ADAMTSL1: variants seen among roughly 807,000 people sequenced by gnomAD.
ADAMTSL1 encodes ADAMTS-like protein 1.
In ADAMTSL1, 126 loss-of-function variants were observed where a neutral mutation model predicts 201.8. That is an observed-to-expected ratio of 0.62 (90% CI 0.54 to 0.72). ADAMTSL1 has a LOEUF of 0.72. Ranked by LOEUF, ADAMTSL1 falls within the 30% of genes least tolerant of loss-of-function variation. ADAMTSL1 has a pLI of 0.00. For synonymous variants in ADAMTSL1, 1,121 were observed against 903.4 expected, an observed-to-expected ratio of 1.24 and a Z score of -4.32; for missense variants, 2,679 against 2,277.8, an observed-to-expected ratio of 1.18 and a Z score of -3.59.
chr9:18,053,754 A>C (rs1390918532), intron 1 of ADAMTSL1, among the ~76,000 whole-genome samples: 2 of 152,218 alleles, frequency 1.3e-5, no homozygotes, highest in Admixed American at 1.3e-4. Flanking sequence ...CTCCGAGTTT[A>C]CTGAGCACTC....
intron 1 of ADAMTSL1, among the ~76,000 whole-genome samples, chr9:18,065,225 C>T (rs1169624408): frequency 1.3e-5 from 2 of 152,082 alleles, no homozygotes; most frequent in Non-Finnish European, 2.9e-5. Context: ...AGATTCACAT[C>T]TCTGTTGGGA....
chr9:18,427,893 G>A (rs557109852), intron 2 of ADAMTSL1, among the ~76,000 whole-genome samples: 4 of 152,300 alleles, frequency 2.6e-5, no homozygotes, highest in African/African-American at 7.2e-5. Flanking sequence ...GTGTTCAAAC[G>A]GATGTGCTTA....
chr9:18,069,781 T>A (rs940920251), intron 1 of ADAMTSL1, among the ~76,000 whole-genome samples: 1 of 152,186 alleles, frequency 6.6e-6, no homozygotes, highest in Non-Finnish European at 1.5e-5. Flanking sequence ...ACTGCTATAG[T>A]AGTCCATGAG....
intron 2 of ADAMTSL1, among the ~76,000 whole-genome samples, chr9:18,330,014 T>C (rs891656240): frequency 2.6e-5 from 4 of 152,228 alleles, no homozygotes; most frequent in African/African-American, 9.6e-5. Context: ...TTTTCTCATC[T>C]GCATAAGGGG....
intron 2 of ADAMTSL1, among the ~76,000 whole-genome samples, chr9:18,455,201 T>A (rs536969376): frequency 6.6e-6 from 1 of 152,350 alleles, no homozygotes; most frequent in East Asian, 1.9e-4. Flanking sequence ...GTCTCCCACT[T>A]AGTAACATTA....
chr9:18,083,337 T>C (rs1823598904), intron 1 of ADAMTSL1, among the ~76,000 whole-genome samples: 1 of 152,206 alleles, frequency 6.6e-6, no homozygotes, highest in South Asian at 2.1e-4. Flanking sequence ...AACATTGTAA[T>C]AATATATGGA....
chr9:18,113,736 G>C (rs1346424759), intron 1 of ADAMTSL1, among the ~76,000 whole-genome samples: 1 of 152,012 alleles, frequency 6.6e-6, no homozygotes, highest in East Asian at 1.9e-4. Context: ...ACTGTTCTGA[G>C]GACTTGTAAA....
chr9:18,693,492 T>C (rs1285459747), intron 13 of ADAMTSL1, among the ~76,000 whole-genome samples: 1 of 152,228 alleles, frequency 6.6e-6, no homozygotes, highest in Non-Finnish European at 1.5e-5. Context: ...TATAGCCATA[T>C]GAAACTCCTA....
At chr9:18,860,768 T>G (rs1827165204) in intron 23 of ADAMTSL1, among the ~76,000 whole-genome samples, 1 of 152,144 alleles carries the variant, frequency 6.6e-6, no homozygotes, top group Non-Finnish European at 1.5e-5. Flanking sequence ...GTTTCTCAGC[T>G]TTGGTCTTTA....
chr9:18,731,063 C>CT (rs1385825301), intron 15 of ADAMTSL1, among the ~76,000 whole-genome samples: 1 of 152,066 alleles, frequency 6.6e-6, no homozygotes, highest in Non-Finnish European at 1.5e-5. Context: ...CATGGTTTTT[C>CT]TTTTTTTACC....
intron 4 of ADAMTSL1, among the ~76,000 whole-genome samples, chr9:18,585,888 A>G (rs2132442459): frequency 1.3e-5 from 2 of 152,298 alleles, no homozygotes; most frequent in South Asian, 4.1e-4. Flanking sequence ...ATAAAATTCA[A>G]CATCTCTTCT....
At chr9:18,177,039 C>T (rs1828199844) in intron 2 of ADAMTSL1, among the ~76,000 whole-genome samples, 1 of 152,192 alleles carries the variant, frequency 6.6e-6, no homozygotes, top group South Asian at 2.1e-4. Flanking sequence ...TTTGCACCCT[C>T]AATTGCCTTT....
At chr9:18,332,483 C>T (rs1835071375) in intron 2 of ADAMTSL1, among the ~76,000 whole-genome samples, 1 of 152,044 alleles carries the variant, frequency 6.6e-6, no homozygotes. Context: ...CAAAATCCTG[C>T]TCTCTCACTC....
chr9:18,563,241 G>A (rs1189153217), intron 3 of ADAMTSL1, among the ~76,000 whole-genome samples: 1 of 152,166 alleles, frequency 6.6e-6, no homozygotes, highest in Non-Finnish European at 1.5e-5. Context: ...CTTTCTGTTT[G>A]TTAGTTTTCC....
At chr9:18,617,955 C>A (rs1825805525) in intron 4 of ADAMTSL1, among the ~76,000 whole-genome samples, 1 of 151,982 alleles carries the variant, frequency 6.6e-6, no homozygotes, top group African/African-American at 2.4e-5. Flanking sequence ...CCACTGTTTG[C>A]AAAAAAATTT....
intron 1 of ADAMTSL1, among the ~76,000 whole-genome samples, chr9:17,978,643 C>G (rs909997996): frequency 6.6e-6 from 1 of 152,042 alleles, no homozygotes; most frequent in African/African-American, 2.4e-5. Context: ...TACTCATTAA[C>G]AAATTATTGT....
chr9:18,575,122 G>A (rs937372395), intron 4 of ADAMTSL1, among the ~76,000 whole-genome samples: 5 of 152,054 alleles, frequency 3.3e-5, no homozygotes, highest in Admixed American at 6.6e-5. Context: ...ATAATATCAC[G>A]GCTAGGAATG....
chr9:18,456,774 G>A (rs1820622363), intron 2 of ADAMTSL1, among the ~76,000 whole-genome samples: 1 of 152,116 alleles, frequency 6.6e-6, no homozygotes, highest in African/African-American at 2.4e-5. Context: ...TTGGTTCAAA[G>A]GTCATCCCTG....
At chr9:18,865,798 G>C (rs867823412) in intron 23 of ADAMTSL1, among the ~76,000 whole-genome samples, 1 of 152,132 alleles carries the variant, frequency 6.6e-6, no homozygotes, top group South Asian at 2.1e-4. Flanking sequence ...GCCTTGCCAA[G>C]TGCTGCGTCC....
Sources: gnomAD v4.1 joint callset for allele counts (sites outside exome capture counted in the v4.1 genomes callset) on GRCh38, gnomAD v4.1.1 for gene constraint, MANE v1.5 for transcripts, NCBI Gene and HGNC (gene_info 2026-07-23, HGNC 2026-07-21) for gene names.